Variants in LPP observed in about 807,000 individuals in gnomAD.
LPP encodes the protein lipoma-preferred partner.
LPP carries 38 observed loss-of-function variants against 60.4 expected under a neutral mutation model. The observed-to-expected ratio is 0.63, with a 90% CI of 0.49 to 0.83. The LOEUF (loss-of-function observed/expected upper bound fraction) is 0.83, where lower values mean the gene tolerates loss of function less well. Ranked by LOEUF, LPP falls within the 40% of genes least tolerant of loss-of-function variation. LPP has a pLI of 0.00. For missense variants in LPP, 902 were observed against 783.6 expected (o/e 1.15, Z -1.80); for synonymous variants, 328 against 290.8 (o/e 1.13, Z -1.30).
intron 7 of LPP, among the ~76,000 whole-genome samples, chr3:188,705,343 A>G (rs139590206): frequency 1.5e-3 from 222 of 152,232 alleles, no homozygotes; most frequent in Admixed American, 2.9e-3. Flanking sequence ...TAGATTTACA[A>G]TGTACGTATC....
At chr3:188,299,650 C>G (rs1749094876) in intron 2 of LPP, among the ~76,000 whole-genome samples, 1 of 152,178 alleles carries the variant, frequency 6.6e-6, no homozygotes, top group Admixed American at 6.5e-5. Flanking sequence ...GGTGGGCTAT[C>G]TGTTTTTTGA....
intron 9 of LPP, among the ~76,000 whole-genome samples, chr3:188,850,677 T>C (rs1370304246): frequency 6.6e-6 from 1 of 151,948 alleles, no homozygotes; most frequent in Non-Finnish European, 1.5e-5. Flanking sequence ...GACCGCAAGA[T>C]CAACAATAAT....
intron 3 of LPP, among the ~76,000 whole-genome samples, chr3:188,355,728 G>A (rs1359150241): frequency 6.6e-6 from 1 of 152,156 alleles, no homozygotes; most frequent in Non-Finnish European, 1.5e-5. Context: ...TTAAAAATAT[G>A]AAGTGTCAAA....
chr3:188,501,240 A>G (rs560036145), intron 5 of LPP, among the ~76,000 whole-genome samples: 7 of 152,108 alleles, frequency 4.6e-5, no homozygotes, highest in Admixed American at 3.3e-4. Flanking sequence ...TACGTTTGGT[A>G]TGTTTTCTTT....
intron 9 of LPP, among the ~76,000 whole-genome samples, chr3:188,853,267 A>G (rs1763089926): frequency 6.6e-6 from 1 of 152,204 alleles, no homozygotes; most frequent in Non-Finnish European, 1.5e-5. Flanking sequence ...GACTGTTAGT[A>G]TCACATTGTG....
chr3:188,802,789 GA>G (rs965892061), intron 9 of LPP, among the ~76,000 whole-genome samples: 176 of 143,090 alleles, frequency 1.2e-3, no homozygotes, highest in African/African-American at 3.9e-3. Flanking sequence ...TGTCTCAAAA[GA>G]AAAAAAAAAG....
intron 3 of LPP, among the ~76,000 whole-genome samples, chr3:188,353,807 T>C (rs976135334): frequency 2.6e-5 from 4 of 152,246 alleles, no homozygotes; most frequent in Non-Finnish European, 5.9e-5. Context: ...ACTGCATTTC[T>C]GTCTTCTTTA....
chr3:188,664,661 G>T lies in LPP; in HGVS notation c.1114-43606G>T, dbSNP rs900367488. ...TGGAGAGAGAGAGAAGAGATACATG[G>T]ACCCATTGCCACAATCTTTTAATTA... On this transcript the variant is annotated intron_variant, in intron 7 of 11. Coordinates refer to ENST00000617246, the MANE Select transcript of LPP (RefSeq NM_001375462.1). Among the ~76,000 whole-genome samples, 6 of 151,974 alleles carry T rather than the reference G, an allele frequency of 3.9e-5. No homozygotes were observed. In the East Asian group the frequency reaches 9.7e-4, roughly 24 times the overall value.
chr3:188,441,910 A>C (rs1794076608), intron 4 of LPP, among the ~76,000 whole-genome samples: 1 of 151,862 alleles, frequency 6.6e-6, no homozygotes, highest in Non-Finnish European at 1.5e-5. Flanking sequence ...GGCGTGAGCC[A>C]CCGCGCCCGG....
chr3:188,516,896 G>A (rs2150095933), intron 5 of LPP, among the ~76,000 whole-genome samples: 1 of 152,154 alleles, frequency 6.6e-6, no homozygotes, highest in African/African-American at 2.4e-5. Context: ...ACTGATCTAG[G>A]ATTGTGTTCT....
chr3:188,820,621 T>G (rs1214329676), intron 9 of LPP, among the ~76,000 whole-genome samples: 1 of 152,216 alleles, frequency 6.6e-6, no homozygotes, highest in Non-Finnish European at 1.5e-5. Context: ...CTTAATTTCC[T>G]AAATCTGTCC....
chr3:188,392,365 T>C (rs993048461), intron 3 of LPP, among the ~76,000 whole-genome samples: 2 of 152,154 alleles, frequency 1.3e-5, no homozygotes, highest in African/African-American at 4.8e-5. Flanking sequence ...TTATAACATA[T>C]CAGTGCTTAC....
At chr3:188,359,252 T>C (rs1768523429) in intron 3 of LPP, among the ~76,000 whole-genome samples, 2 of 152,120 alleles carry the variant, frequency 1.3e-5, no homozygotes, top group African/African-American at 4.8e-5. Context: ...TAGAAATTGT[T>C]ATGTGTCAGT....
At chr3:188,316,121 C>CA (rs887261509) in intron 2 of LPP, among the ~76,000 whole-genome samples, 3 of 151,914 alleles carry the variant, frequency 2.0e-5, no homozygotes, top group Non-Finnish European at 4.4e-5. Flanking sequence ...TAAAAAAATA[C>CA]AAAAAAACCA....
chr3:188,158,098 C>T (rs1455748850), intron 1 of LPP, among the ~76,000 whole-genome samples: 1 of 152,062 alleles, frequency 6.6e-6, no homozygotes. Flanking sequence ...AGCGTCATCT[C>T]TGTGGGAGTA....
rs2151381142 is a variant in LPP, at chr3:188,609,994, A to G, written c.1113+150A>G. 6.8e-6 allele frequency: 5 copies of G among 739,890 alleles called. No individual in the cohort carries two copies. Among genetic ancestry groups the G allele is most frequent in the Admixed American group, 2.9e-5 (1 of 34,256 alleles). The allele number at this position is 739,890 out of a possible 1,614,324, so 45.8% of individuals were successfully genotyped here. On this transcript the variant is annotated intron_variant, in intron 7 of 11. Coordinates refer to ENST00000617246, the MANE Select transcript of LPP (RefSeq NM_001375462.1). This position sits in a 1 kb window ranked among gnomAD's most constrained non-coding sequence, Gnocchi z 6.9. ...CAGGGAAGGATGAGTGAAGCCAGAGAGGAGAGAGAGACTACTTAGTATGTT... is the reference window on the plus strand; with the variant it reads ...CAGGGAAGGATGAGTGAAGCCAGAGGGGAGAGAGAGACTACTTAGTATGTT...
At chr3:188,698,770 T>C (rs1409265203) in intron 7 of LPP, among the ~76,000 whole-genome samples, 2 of 152,242 alleles carry the variant, frequency 1.3e-5, no homozygotes, top group Non-Finnish European at 2.9e-5. Context: ...CTTTTGGTCC[T>C]AAAGGCGAGA....
In LPP at chr3:188,720,450, T is replaced by C. The variant is rs533304460; in HGVS notation, c.1240+12057T>C. ...TCAGAGGATTTTGCCACTGTACTTG[T>C]GCCATATAAAATGCTGAAATAGTTC... On this transcript the variant is annotated intron_variant, in intron 8 of 11. Coordinates refer to ENST00000617246, the MANE Select transcript of LPP (RefSeq NM_001375462.1). Among the ~76,000 whole-genome samples, 23 of 152,292 alleles carry C rather than the reference T, an allele frequency of 1.5e-4. 1 individual carries two copies. In the East Asian group the frequency reaches 4.4e-3, roughly 29 times the overall value.
intron 1 of LPP, among the ~76,000 whole-genome samples, chr3:188,196,953 A>G (rs908485): frequency 0.17 from 26,411 of 152,006 alleles, 3,318 homozygotes; most frequent in East Asian, 0.57. Context: ...TCTGACTGTT[A>G]TTGTCTCTGC....
Sources: gnomAD v4.1 joint callset for allele counts (sites outside exome capture counted in the v4.1 genomes callset) on GRCh38, gnomAD v4.1.1 for gene constraint, Gnocchi (gnomAD v3.1) non-coding constraint, MANE v1.5 for transcripts, NCBI Gene and HGNC (gene_info 2026-07-23, HGNC 2026-07-21) for gene names.